Variants in TMEM40 observed in about 807,000 individuals in gnomAD.
TMEM40 encodes transmembrane protein 40.
TMEM40 carries 34 observed loss-of-function variants against 40.8 expected under a neutral mutation model. That is an observed-to-expected ratio of 0.83 (90% confidence interval 0.63 to 1.11). The LOEUF (loss-of-function observed/expected upper bound fraction) is 1.11, where lower values mean the gene tolerates loss of function less well. Ranked by LOEUF, TMEM40 falls within the 50% of genes least tolerant of loss-of-function variation. TMEM40 has a pLI of 0.00. For missense variants in TMEM40, 296 were observed against 280.2 expected (o/e 1.06, Z -0.40); for synonymous variants, 106 against 107.0 (o/e 0.99, Z 0.06).
chr3:12,746,512 G>GGA (rs777156566), intron 3 of TMEM40, among the ~76,000 whole-genome samples: 1 of 152,214 alleles, frequency 6.6e-6, no homozygotes, highest in Non-Finnish European at 1.5e-5. Flanking sequence ...CAGGTATGTG[G>GGA]GAGAGAGATG....
chr3:12,737,521 A>G (rs1364186889), intron 8 of TMEM40, 186 bp downstream of exon 8: 8 of 627,596 alleles, frequency 1.3e-5, no homozygotes, highest in Non-Finnish European at 1.7e-5. Flanking sequence ...CTCAGTTTTC[A>G]TATCTGCAAA....
intron 11 of TMEM40, 134 bp from the exon 12 acceptor site, chr3:12,734,927 GA>G: frequency 2.1e-6 from 2 of 958,998 alleles, no homozygotes; most frequent in Non-Finnish European, 3.2e-6. Flanking sequence ...GGGTCTCAAT[GA>G]ACCACAGTCA....
At chr3:12,750,649 T>C (rs1335896386) in intron 1 of TMEM40, among the ~76,000 whole-genome samples, 1 of 152,160 alleles carries the variant, frequency 6.6e-6, no homozygotes, top group Non-Finnish European at 1.5e-5. Context: ...GGTCTTGCTA[T>C]ATCACCCAGT....
rs747949810 is a variant in TMEM40 at position 12,742,465 on chromosome 3, T to G, written c.344A>C (p.Gln115Pro). ...GGGCAACTGATTACCTCCATAGAGT[T>G]GAAGCTCATCCTTCAAAACGTCAGG... ...GEPDVLKDEL[Q>P]LYGDAPGEVV... The change falls in exon 5 of 12, where the codon CAA (glutamine) becomes CCA (proline). Residue 115 changes from glutamine to proline, a missense_variant. By Grantham distance (76) the Gln-to-Pro change is moderately conservative. Coordinates refer to ENST00000314124, the MANE Select transcript of TMEM40 (RefSeq NM_018306.4). 1 of 1,614,066 alleles carries G rather than the reference T, an allele frequency of 6.2e-7. No individual in the cohort carries two copies. The highest frequency in any genetic ancestry group is 1.7e-5 in the Admixed American group (1 of 60,018).
At chr3:12,769,223 G>A (rs900215764) in intron 1 of TMEM40, 1 of 397,434 alleles carries the variant, frequency 2.5e-6, no homozygotes, top group Non-Finnish European at 5.2e-6. Flanking sequence ...TGCAGCCCCG[G>A]TTCCCGCCCG....
chr3:12,735,447 G>T, intron 11 of TMEM40, 108 bp downstream of exon 11: 1 of 1,131,372 alleles, frequency 8.8e-7, no homozygotes, highest in Non-Finnish European at 1.3e-6. Flanking sequence ...ACTCAAACCT[G>T]GGTCCTCTGC....
chr3:12,747,341 A>T lies in TMEM40; in HGVS notation c.211+1314T>A, dbSNP rs115922969. ...ACCTCCGGGGAATCCCAAGTTGGTT[A>T]CTGAGCTCTCTTAGAGCAGGTCAGT... On this transcript the variant is annotated intron_variant, in intron 3 of 11. Transcript: ENST00000314124. Among the ~76,000 whole-genome samples the T allele has an allele frequency of 6.9e-3, 1,050 of 152,262 alleles. 7 individuals are homozygous for T. The highest frequency in any genetic ancestry group is 0.023 in the African/African-American group (961 of 41,550).
At chr3:12,755,762 C>T (rs2061522568) in intron 1 of TMEM40, among the ~76,000 whole-genome samples, 2 of 152,296 alleles carry the variant, frequency 1.3e-5, no homozygotes, top group South Asian at 4.1e-4. Context: ...TGGGGAGCCC[C>T]ACAAGGCAGA....
chr3:12,749,668 G>A (rs1315110305), intron 2 of TMEM40, 92 bp downstream of exon 2: 10 of 1,130,594 alleles, frequency 8.8e-6, no homozygotes, highest in Middle Eastern at 2.5e-4. Flanking sequence ...CCTGTGCAAC[G>A]TGAGTTGAGC....
intron 1 of TMEM40, among the ~76,000 whole-genome samples, chr3:12,764,633 G>A (rs1489169459): frequency 6.6e-6 from 1 of 152,108 alleles, no homozygotes; most frequent in Non-Finnish European, 1.5e-5. Context: ...ACTAGATTAA[G>A]CCTTACTCAT....
chr3:12,752,216 G>A (rs577535997), intron 1 of TMEM40, among the ~76,000 whole-genome samples: 1 of 152,140 alleles, frequency 6.6e-6, no homozygotes, highest in Non-Finnish European at 1.5e-5. Flanking sequence ...AACCTTCTGA[G>A]TAGGTAGGAC....
chr3:12,736,850 G>T lies in TMEM40; in HGVS notation c.473-15C>A. On this transcript the variant is annotated splice_polypyrimidine_tract_variant and intron_variant, in intron 8 of 11. Coordinates refer to ENST00000314124, the MANE Select transcript of TMEM40 (RefSeq NM_018306.4). ...GAAAAACTCATCTGTGAAGGCAGGG[G>T]TGGGCAATCACTATCTGCTGCTTTC... 6.2e-7 allele frequency: 1 copy of T among 1,614,132 alleles called. No homozygotes were observed. Among genetic ancestry groups the T allele is most frequent in the South Asian group, 1.1e-5 (1 of 91,078 alleles).
intron 1 of TMEM40, among the ~76,000 whole-genome samples, chr3:12,767,807 A>G (rs951778127): frequency 1.3e-5 from 2 of 152,146 alleles, no homozygotes; most frequent in African/African-American, 4.8e-5. Context: ...TTGAGGACCT[A>G]CTGGGGCTAG....
chr3:12,766,891 C>T (rs757823424), intron 1 of TMEM40, among the ~76,000 whole-genome samples: 4 of 152,260 alleles, frequency 2.6e-5, no homozygotes, highest in Non-Finnish European at 5.9e-5. Flanking sequence ...GCCTAGTGAT[C>T]AGGCCACCTT....
intron 1 of TMEM40, among the ~76,000 whole-genome samples, chr3:12,764,736 G>C (rs1461226351): frequency 6.6e-6 from 1 of 152,208 alleles, no homozygotes; most frequent in African/African-American, 2.4e-5. Context: ...CTCGTTACCT[G>C]AGGGCTCTCC....
chr3:12,735,640 G>GT, intron 10 of TMEM40, 23 bp from the exon 11 acceptor site: 3 of 1,606,606 alleles, frequency 1.9e-6, no homozygotes, highest in Non-Finnish European at 2.5e-6. Flanking sequence ...AAAGAAAAAA[G>GT]TAAGTTAAGT....
chr3:12,761,965 ATATTAT>A (rs770031827), upstream of TMEM40, among the ~76,000 whole-genome samples: 1 of 152,120 alleles, frequency 6.6e-6, no homozygotes, highest in Non-Finnish European at 1.5e-5. Flanking sequence ...ATATTTGGAT[ATATTAT>A]TATTATTTTG....
chr3:12,748,380 G>C (rs1439366567), intron 3 of TMEM40, among the ~76,000 whole-genome samples: 1 of 152,218 alleles, frequency 6.6e-6, no homozygotes, highest in Non-Finnish European at 1.5e-5. Flanking sequence ...GGGCTGTTCA[G>C]TAAACATTAA....
Position 12,736,529 on chromosome 3 carries a change from G to A in TMEM40, c.619+49C>T, listed in dbSNP as rs753272831. ...TATGAAAATGAATATTTCTACCCAC[G>A]ACCCCTCCAAGAGACTGTGTGTGTG... On this transcript the variant is annotated intron_variant, in intron 10 of 11. Transcript: ENST00000314124. 9 of 1,524,062 alleles carry A rather than the reference G, an allele frequency of 5.9e-6. No individual in the cohort carries two copies. The South Asian group carries it at 8.4e-5, about 14-fold the overall frequency. 94.4% of individuals were successfully genotyped at this position (1,524,062 alleles called of 1,614,324 possible).
Sources: gnomAD v4.1 joint callset for allele counts (sites outside exome capture counted in the v4.1 genomes callset) on GRCh38, gnomAD v4.1.1 for gene constraint, MANE v1.5 for transcripts, NCBI Gene and HGNC (gene_info 2026-07-23, HGNC 2026-07-21) for gene names.